The following SOCS6 variants were observed in gnomAD, a reference collection of about 807,000 sequenced individuals.
SOCS6 encodes suppressor of cytokine signaling 6, also known as STAT induced STAT inhibitor-4.
Under a neutral mutation model 27.7 loss-of-function variants are expected in SOCS6, and 5 were observed. The ratio of observed to expected loss-of-function variants is 0.18; its 90% confidence interval spans 0.09 to 0.38. SOCS6 has a LOEUF of 0.38. Among genes scored for constraint, SOCS6 ranks in the 10% least tolerant of loss-of-function variants. SOCS6 has a pLI of 1.00. For missense variants in SOCS6, 595 were observed against 688.1 expected (o/e 0.86, Z 1.51); for synonymous variants, 271 against 260.0 (o/e 1.04, Z -0.41).
chr18:70,302,067 G>T (rs2062350491), intron 1 of SOCS6, among the ~76,000 whole-genome samples: 1 of 152,182 alleles, frequency 6.6e-6, no homozygotes, highest in Non-Finnish European at 1.5e-5. Context: ...TGGTGAGGAA[G>T]GTGGGGTCCC....
intron 1 of SOCS6, among the ~76,000 whole-genome samples, chr18:70,305,188 A>G (rs1015214792): frequency 2.0e-5 from 3 of 152,184 alleles, no homozygotes; most frequent in Non-Finnish European, 2.9e-5. Context: ...AACCTGAGCA[A>G]CAGAGCAAGA....
Position 70,325,359 on chromosome 18 carries a change from A to T in SOCS6, c.691A>T (p.Met231Leu), listed in dbSNP as rs201797599. The change falls in exon 2 of 2, where the codon ATG (methionine) becomes TTG (leucine). Residue 231 changes from methionine to leucine, a missense_variant. Physicochemically the swap from Met to Leu is conservative, Grantham distance 15 (BLOSUM62 2). Transcript: ENST00000397942. This position sits in a 1 kb window ranked among gnomAD's most constrained non-coding sequence, Gnocchi z 6.3. ...IQYTVPLDEGMYPLEGSRSYC... is the reference protein window; with the variant it reads ...IQYTVPLDEGLYPLEGSRSYC... ...GTATACTGTGCCTTTAGATGAGGGGATGTATCCTTTGGAAGGATCACGGAG... is the reference window on the plus strand; with the variant it reads ...GTATACTGTGCCTTTAGATGAGGGGTTGTATCCTTTGGAAGGATCACGGAG... 75 of 1,613,940 alleles carry T rather than the reference A, an allele frequency of 4.6e-5. No homozygotes were observed. Among genetic ancestry groups the T allele is most frequent in the East Asian group, 4.2e-4 (19 of 44,888 alleles).
intron 1 of SOCS6, among the ~76,000 whole-genome samples, chr18:70,324,291 G>A (rs1385480358): frequency 1.5e-5 from 2 of 136,380 alleles, no homozygotes; most frequent in Admixed American, 1.4e-4. Flanking sequence ...GAAAGAGTGA[G>A]ACTCATCTCA....
intron 1 of SOCS6, among the ~76,000 whole-genome samples, chr18:70,306,289 ATGG>A (rs2062368756): frequency 6.6e-6 from 1 of 151,910 alleles, no homozygotes; most frequent in African/African-American, 2.4e-5. Flanking sequence ...CCTGGCCAAC[ATGG>A]TGAAACCCTG....
rs557673824 is a variant in SOCS6, at chr18:70,324,977, C to A, written c.309C>A (p.Thr103=). The change falls in exon 2 of 2, where the codon ACC becomes ACA. Residue 103 remains threonine (T), a synonymous_variant. Transcript: ENST00000397942. Reference sequence around the variant, plus strand: ...CTGGGAGCTCTGCCGACGAGGACACCTTCTCCTCCTCCTCAGCACCCATAG... The same window carrying A: ...CTGGGAGCTCTGCCGACGAGGACACATTCTCCTCCTCCTCAGCACCCATAG... ...TPSGSSADED[T]FSSSSAPIVF... is the part of the protein sequence containing the mutation. 8.7e-6 allele frequency: 14 copies of A among 1,613,498 alleles called. No homozygotes were observed. The South Asian group carries it at 1.5e-4, about 18-fold the overall frequency.
At chr18:70,316,555 T>G (rs577419295) in intron 1 of SOCS6, among the ~76,000 whole-genome samples, 1 of 152,320 alleles carries the variant, frequency 6.6e-6, no homozygotes, top group East Asian at 1.9e-4. Context: ...TTTTTCTTCA[T>G]TATATTATGA....
intron 1 of SOCS6, among the ~76,000 whole-genome samples, chr18:70,316,885 A>G (rs552502870): frequency 6.6e-6 from 1 of 152,350 alleles, no homozygotes; most frequent in Admixed American, 6.5e-5. Flanking sequence ...TGAACTCTGT[A>G]TCAGTCTAAA....
In SOCS6 at chr18:70,302,596, G is replaced by A. The variant is rs182385907; in HGVS notation, c.-127+13506G>A. ...TTTACCAAGAGAGTTTTTCAGGAGAGTAGTGGAAGGGAATAGAAGTATACA... is the reference window on the plus strand; with the variant it reads ...TTTACCAAGAGAGTTTTTCAGGAGAATAGTGGAAGGGAATAGAAGTATACA... On this transcript the variant is annotated intron_variant, in intron 1 of 1. Transcript: ENST00000397942. Among the ~76,000 whole-genome samples the A allele has an allele frequency of 3.2e-3, 480 of 152,216 alleles. 2 individuals carry two copies. The highest frequency in any genetic ancestry group is 4.3e-3 in the Non-Finnish European group (295 of 68,016).
At chr18:70,307,578 G>C (rs1185413525) in intron 1 of SOCS6, among the ~76,000 whole-genome samples, 1 of 152,136 alleles carries the variant, frequency 6.6e-6, no homozygotes, top group Non-Finnish European at 1.5e-5. Context: ...TTGGTAATTT[G>C]TGTCTTTCTA....
intron 1 of SOCS6, among the ~76,000 whole-genome samples, chr18:70,290,974 T>C (rs1360593590): frequency 1.3e-5 from 2 of 152,212 alleles, no homozygotes; most frequent in Non-Finnish European, 2.9e-5. Flanking sequence ...TTGAGAGCCA[T>C]TGACTGGGCG....
chr18:70,294,808 A>G (rs939294004), intron 1 of SOCS6, among the ~76,000 whole-genome samples: 3 of 152,198 alleles, frequency 2.0e-5, no homozygotes, highest in African/African-American at 4.8e-5. Flanking sequence ...AAGATGCCGC[A>G]CTTGCCTTCT....
chr18:70,295,322 A>T (rs1055454286), intron 1 of SOCS6, among the ~76,000 whole-genome samples: 8 of 152,306 alleles, frequency 5.3e-5, no homozygotes, highest in South Asian at 4.1e-4. Context: ...GGTGCTGTTT[A>T]TGGTGGCACT....
At chr18:70,309,107 A>G (rs2062380243) in intron 1 of SOCS6, among the ~76,000 whole-genome samples, 1 of 152,260 alleles carries the variant, frequency 6.6e-6, no homozygotes, top group Non-Finnish European at 1.5e-5. Context: ...TTAACAATGC[A>G]ACTTTGTTGC....
Position 70,289,794 on chromosome 18 carries a change from T to C in SOCS6, c.-127+704T>C, listed in dbSNP as rs145262236. On this transcript the variant is annotated intron_variant, in intron 1 of 1. Transcript: ENST00000397942. ...CACCCGGGTGTAGGGACCGGACGAT[T>C]GTGGAATTTAAACCGCTCCTGGGAC... is the stretch of plus-strand genomic sequence containing the variant. 6.0e-4 allele frequency among the ~76,000 whole-genome samples: 91 copies of C among 152,192 alleles called. No individual in the cohort carries two copies. The East Asian group carries it at 0.016, about 28-fold the overall frequency.
intron 1 of SOCS6, among the ~76,000 whole-genome samples, chr18:70,315,889 A>T (rs746083391): frequency 4.6e-5 from 7 of 151,378 alleles, no homozygotes; most frequent in African/African-American, 1.7e-4. Flanking sequence ...GTTTTTTTTG[A>T]GATGGAGTTT....
In SOCS6 at chr18:70,325,252, C is replaced by A; in HGVS notation, c.584C>A (p.Ala195Asp). 1 of 1,614,194 alleles carries A rather than the reference C, an allele frequency of 6.2e-7. No individual in the cohort carries two copies. Among genetic ancestry groups the A allele is most frequent in the Non-Finnish European group, 8.5e-7 (1 of 1,180,034 alleles). ...CAAGCCAATTCACTGAAGAGCTCGG[C>A]TTCTCATAATGGAGACCTGCATCTT... ...QEQANSLKSS[A>D]SHNGDLHLHL... Residue 195 changes from alanine (A) to aspartate (D), a missense_variant, in exon 2 of 2, where the codon GCT (alanine) becomes GAT (aspartate). Physicochemically the swap from Ala to Asp is moderately radical, Grantham distance 126. This residue lies in a region of SOCS6 where 467 missense variants were observed against 481.1 expected (regional missense o/e 0.97). Transcript: ENST00000397942. This position sits in a 1 kb window ranked among gnomAD's most constrained non-coding sequence, Gnocchi z 6.3.
At chr18:70,314,031 G>A (rs931584556) in intron 1 of SOCS6, among the ~76,000 whole-genome samples, 4 of 151,974 alleles carry the variant, frequency 2.6e-5, no homozygotes, top group Non-Finnish European at 5.9e-5. Context: ...CACCTTTTTT[G>A]AAGCTGTTAT....
At chr18:70,310,794 G>A (rs1376375801) in intron 1 of SOCS6, among the ~76,000 whole-genome samples, 2 of 152,190 alleles carry the variant, frequency 1.3e-5, no homozygotes, top group African/African-American at 4.8e-5. Flanking sequence ...TGCCATGCCT[G>A]ATGTTAAGTG....
chr18:70,326,112 A>G lies in SOCS6; in HGVS notation c.1444A>G (p.Thr482Ala), dbSNP rs1911199604. 7 of 1,614,198 alleles carry G rather than the reference A, an allele frequency of 4.3e-6. No homozygotes were observed. The highest frequency in any genetic ancestry group is 5.1e-6 in the Non-Finnish European group (6 of 1,180,032). The change falls in exon 2 of 2, where the codon ACT (threonine) becomes GCT (alanine). Residue 482 changes from threonine to alanine, a missense_variant. Transcript: ENST00000397942. ...AAGGTCTCGGCTGCCTGGATCTGCA[A>G]CTTACCCCGTCAGACTGACCAACCC... ...YSRSRLPGSA[T>A]YPVRLTNPVS...
Sources: allele counts gnomAD v4.1 joint callset (sites outside exome capture counted in the v4.1 genomes callset), GRCh38; gene constraint gnomAD v4.1.1; regional missense constraint gnomAD v4.1.1; non-coding constraint Gnocchi (gnomAD v3.1); transcripts MANE v1.5; gene names NCBI Gene and HGNC (gene_info 2026-07-23, HGNC 2026-07-21).